ZNF410: variants seen among roughly 807,000 people sequenced by gnomAD.
The protein encoded by ZNF410 is another partner for ARF 1.
A neutral mutation model predicts 54.8 loss-of-function variants in ZNF410; 18 were observed. The observed-to-expected ratio is 0.33, with a 90% CI of 0.23 to 0.49. The LOEUF (loss-of-function observed/expected upper bound fraction) is 0.49, where lower values mean the gene tolerates loss of function less well. Ranked by LOEUF, ZNF410 falls within the 20% of genes least tolerant of loss-of-function variation. The pLI is 0.99. For synonymous variants in ZNF410, 191 were observed against 207.3 expected (o/e 0.92, Z 0.68); for missense variants, 405 against 569.6 (o/e 0.71, Z 2.94).
intron 11 of ZNF410, among the ~76,000 whole-genome samples, chr14:73,931,244 CA>C (rs1417905097): frequency 1.3e-5 from 2 of 152,156 alleles, no homozygotes; most frequent in East Asian, 3.9e-4. Flanking sequence ...GGTAACTACA[CA>C]AACAATAGTT....
At chr14:73,896,083 C>T (rs570324817) in intron 3 of ZNF410, 1 of 520,458 alleles carries the variant, frequency 1.9e-6, no homozygotes, top group Non-Finnish European at 3.4e-6. Flanking sequence ...TATTCACCAA[C>T]CATTACTGCC....
At chr14:73,914,636 T>TC (rs2055635736) in intron 8 of ZNF410, 1 of 148,516 alleles carries the variant, frequency 6.7e-6, no homozygotes, top group Non-Finnish European at 1.5e-5. Context: ...CTTTTTTTTT[T>TC]TTTTTTTTTG....
At chr14:73,926,309 G>T (rs1468791494) in intron 11 of ZNF410, among the ~76,000 whole-genome samples, 2 of 151,922 alleles carry the variant, frequency 1.3e-5, no homozygotes, top group Non-Finnish European at 2.9e-5. Context: ...TGGTTTGCTA[G>T]AGTCAGGATT....
chr14:73,901,286 G>A (rs1478575637), intron 5 of ZNF410, among the ~76,000 whole-genome samples: 1 of 152,084 alleles, frequency 6.6e-6, no homozygotes, highest in Non-Finnish European at 1.5e-5. Context: ...GAAACCATAC[G>A]GCAGCCGGGC....
intron 8 of ZNF410, 133 bp downstream of exon 8, chr14:73,909,563 T>C: frequency 1.6e-6 from 1 of 642,608 alleles, no homozygotes; most frequent in Non-Finnish European, 2.6e-6. Flanking sequence ...CTCATCATCA[T>C]GACAGAATCA....
At chr14:73,896,712 C>T (rs1022924865) in intron 4 of ZNF410, 178 bp downstream of exon 4, 7 of 600,708 alleles carry the variant, frequency 1.2e-5, no homozygotes, top group Non-Finnish European at 1.7e-5. Context: ...TCTAGTATGA[C>T]TCATATCTTG....
intron 1 of ZNF410, among the ~76,000 whole-genome samples, chr14:73,889,405 C>T (rs954661393): frequency 6.9e-6 from 1 of 144,670 alleles, no homozygotes; most frequent in Non-Finnish European, 1.5e-5. Flanking sequence ...GCACTCCAGC[C>T]TGCGTGACAG....
intron 7 of ZNF410, 112 bp from the exon 8 acceptor site, chr14:73,909,225 TTAAA>T (rs775430778): frequency 5.9e-5 from 49 of 829,404 alleles, no homozygotes; most frequent in South Asian, 4.7e-4. Flanking sequence ...ATAACATGAA[TTAAA>T]TAAATCAGAG....
intron 1 of ZNF410, among the ~76,000 whole-genome samples, chr14:73,887,609 A>C (rs2055164100): frequency 6.6e-6 from 1 of 152,230 alleles, no homozygotes; most frequent in East Asian, 1.9e-4. Flanking sequence ...TTAACTTGGG[A>C]CTTAAGAATT....
chr14:73,902,660 A>G (rs1445953961), intron 5 of ZNF410, among the ~76,000 whole-genome samples: 1 of 152,192 alleles, frequency 6.6e-6, no homozygotes, highest in East Asian at 1.9e-4. Flanking sequence ...TAAGGTATAT[A>G]TAGTGGAAAG....
chr14:73,896,287 A>G (rs758369590), intron 3 of ZNF410, 29 bp from the exon 4 acceptor site: 9 of 1,583,030 alleles, frequency 5.7e-6, no homozygotes, highest in Non-Finnish European at 7.8e-6. Flanking sequence ...TAGGTGCTAC[A>G]TAAAGCTGTG....
At chr14:73,926,664 A>T (rs927772369) in intron 11 of ZNF410, among the ~76,000 whole-genome samples, 2 of 152,032 alleles carry the variant, frequency 1.3e-5, no homozygotes, top group African/African-American at 4.8e-5. Flanking sequence ...CAAACTCCTG[A>T]CCTCAAGTGA....
chr14:73,889,201 G>A (rs1199816256), intron 1 of ZNF410, among the ~76,000 whole-genome samples: 1 of 151,962 alleles, frequency 6.6e-6, no homozygotes, highest in Non-Finnish European at 1.5e-5. Flanking sequence ...TTTTGAGACA[G>A]CCTCCATTTG....
In ZNF410 at chr14:73,896,513, C is replaced by A; in HGVS notation, c.367C>A (p.Leu123Ile). The A allele has an allele frequency of 6.2e-7, 1 of 1,614,110 alleles. No homozygotes were observed. Among genetic ancestry groups the A allele is most frequent in the Admixed American group, 1.7e-5 (1 of 60,004 alleles). Residue 123 changes from leucine (L) to isoleucine (I), a missense_variant, in exon 4 of 12, where the codon CTT (leucine) becomes ATT (isoleucine). Transcript: ENST00000555044. ...GCCAAGTGATAGCACTTCTTTTATT[C>A]TTCTTAACCTAACAAGAGCAGGTAT... ...LQPSDSTSFI[L>I]LNLTRAGLGS... is the part of the protein sequence containing the mutation.
intron 10 of ZNF410, 96 bp downstream of exon 10, chr14:73,922,302 C>G: frequency 7.8e-7 from 1 of 1,288,976 alleles, no homozygotes; most frequent in Admixed American, 2.3e-5. Context: ...AATCTCATTT[C>G]TTATGAGTAG....
intron 5 of ZNF410, chr14:73,898,612 A>AT (rs1240307745): frequency 3.0e-6 from 1 of 335,238 alleles, no homozygotes; most frequent in African/African-American, 2.3e-5. Context: ...CTCTTATACC[A>AT]TCATGAAATC....
chr14:73,924,116 T>C (rs1457202626), intron 11 of ZNF410, among the ~76,000 whole-genome samples: 1 of 152,242 alleles, frequency 6.6e-6, no homozygotes, highest in Non-Finnish European at 1.5e-5. Context: ...ACTTGCTTGC[T>C]AAGTGAGAAC....
chr14:73,899,520 C>T (rs1266141817), intron 5 of ZNF410, among the ~76,000 whole-genome samples: 1 of 152,134 alleles, frequency 6.6e-6, no homozygotes, highest in African/African-American at 2.4e-5. Flanking sequence ...TCAGATTCTT[C>T]CTGAGATATA....
intron 11 of ZNF410, among the ~76,000 whole-genome samples, chr14:73,929,492 A>G (rs2055879994): frequency 6.6e-6 from 1 of 152,162 alleles, no homozygotes; most frequent in Non-Finnish European, 1.5e-5. Context: ...ACTTCCTGTA[A>G]ATATGCTCTA....
Sources: allele counts gnomAD v4.1 joint callset (sites outside exome capture counted in the v4.1 genomes callset), GRCh38; gene constraint gnomAD v4.1.1; transcripts MANE v1.5; gene names NCBI Gene and HGNC (gene_info 2026-07-23, HGNC 2026-07-21).